Variants in TFB1M observed in about 807,000 individuals in gnomAD.
TFB1M encodes dimethyladenosine transferase 1, mitochondrial.
In TFB1M, 27 loss-of-function variants were observed where a neutral mutation model predicts 31.1. That is an observed-to-expected ratio of 0.87 (90% confidence interval 0.64 to 1.20). The LOEUF (loss-of-function observed/expected upper bound fraction) is 1.20. Ranked by LOEUF, TFB1M falls within the 50% of genes most tolerant of loss-of-function variation. The pLI is 0.00. For synonymous variants in TFB1M, 166 were observed against 151.8 expected (o/e 1.09, Z -0.69); for missense variants, 394 against 418.7 (o/e 0.94, Z 0.51).
chr6:155,250,927 G>T, the TFB1M span: 10 of 1,614,118 alleles, frequency 6.2e-6, no homozygotes, highest in South Asian at 1.1e-5. Context: ...CAGAACTTTC[G>T]ATGGGAGAGC....
At chr6:155,254,431 C>G (rs1783874081), downstream of TFB1M, 1 of 1,611,866 alleles carries the variant, frequency 6.2e-7, no homozygotes, top group Admixed American at 1.7e-5. Flanking sequence ...ACAGTGAAAG[C>G]AAAACCAACA....
chr6:155,266,133 C>T (rs1004004985), intron 5 of TFB1M, among the ~76,000 whole-genome samples: 1 of 152,136 alleles, frequency 6.6e-6, no homozygotes, highest in East Asian at 1.9e-4. Context: ...CACCCAGGAT[C>T]AATACTTTGT....
intron 2 of TFB1M, among the ~76,000 whole-genome samples, chr6:155,300,106 T>C (rs113920191): frequency 1.5e-3 from 228 of 152,346 alleles, no homozygotes; most frequent in African/African-American, 5.1e-3. Context: ...TCTTTTAGCC[T>C]GGGAGATGTT....
chr6:155,262,359 T>C (rs1201863540), intron 5 of TFB1M, among the ~76,000 whole-genome samples: 2 of 152,164 alleles, frequency 1.3e-5, no homozygotes, highest in African/African-American at 4.8e-5. Context: ...CTGATTTGTA[T>C]AGAGAAGTGG....
chr6:155,310,095 C>T (rs1339738356), intron 2 of TFB1M, among the ~76,000 whole-genome samples: 1 of 152,146 alleles, frequency 6.6e-6, no homozygotes, highest in Non-Finnish European at 1.5e-5. Context: ...AACAACTTCT[C>T]AAACCGTTCT....
the TFB1M span, chr6:155,250,505 T>G: frequency 6.6e-7 from 1 of 1,522,726 alleles, no homozygotes; most frequent in Non-Finnish European, 8.8e-7. Flanking sequence ...TCCTTCACTC[T>G]GGCCAGTTTC....
At chr6:155,248,204 G>A in the TFB1M span, 1 of 1,606,952 alleles carries the variant, frequency 6.2e-7, no homozygotes, top group African/African-American at 1.3e-5. Flanking sequence ...GCACCTCCGG[G>A]CGAGGGCCTG....
At chr6:155,285,034 T>TA in intron 5 of TFB1M, 124 bp downstream of exon 5, 1 of 1,270,722 alleles carries the variant, frequency 7.9e-7, no homozygotes, top group Non-Finnish European at 1.1e-6. Flanking sequence ...TATTCAGAAG[T>TA]AAAGTACAGT....
At chr6:155,233,937 T>C in the TFB1M span, among the ~76,000 whole-genome samples, 1 of 149,126 alleles carries the variant, frequency 6.7e-6, no homozygotes, top group Non-Finnish European at 1.5e-5. Context: ...CACTCCAGCC[T>C]GGGTGGCAGA....
chr6:155,300,025 C>T (rs1777355752), intron 2 of TFB1M, among the ~76,000 whole-genome samples: 1 of 152,176 alleles, frequency 6.6e-6, no homozygotes, highest in African/African-American at 2.4e-5. Flanking sequence ...GTGTTTAATA[C>T]ATATTTAAGA....
At chr6:155,250,990 A>G in the TFB1M span, 1 of 1,614,118 alleles carries the variant, frequency 6.2e-7, no homozygotes, top group African/African-American at 1.3e-5. Flanking sequence ...CTCTAGGAAA[A>G]GCTAGAAAGG....
chr6:155,296,426 A>ATTTTTTT (rs71023639), intron 4 of TFB1M, among the ~76,000 whole-genome samples: 79 of 103,434 alleles, frequency 7.6e-4, no homozygotes, highest in African/African-American at 1.3e-3. Context: ...CACCCAGCTA[A>ATTTTTTT]TTTTTTTTTT....
In TFB1M at chr6:155,304,831, T is replaced by C. The variant is rs181714321; in HGVS notation, c.286-6246A>G. 1.6e-3 allele frequency among the ~76,000 whole-genome samples: 250 copies of C among 151,962 alleles called. 1 individual carries two copies. The highest frequency in any genetic ancestry group is 5.8e-3 in the African/African-American group (241 of 41,500). ...GAAGGCTTTTTCAGTCTTCAGTCTA[T>C]AGTAATAAATACAGGTGGCTGTTGG... On this transcript the variant is annotated intron_variant, in intron 2 of 6. Coordinates refer to ENST00000367166, the MANE Select transcript of TFB1M (RefSeq NM_016020.4).
At chr6:155,270,602 T>A (rs1784873958) in intron 5 of TFB1M, among the ~76,000 whole-genome samples, 1 of 152,144 alleles carries the variant, frequency 6.6e-6, no homozygotes, top group African/African-American at 2.4e-5. Context: ...CAACATGTTT[T>A]GAGAATAGAA....
intron 2 of TFB1M, among the ~76,000 whole-genome samples, chr6:155,300,397 C>A (rs1001422302): frequency 6.6e-6 from 1 of 152,102 alleles, no homozygotes; most frequent in Non-Finnish European, 1.5e-5. Context: ...GGCAATAAAT[C>A]TTGGAAAATA....
the TFB1M span, among the ~76,000 whole-genome samples, chr6:155,240,212 C>T: frequency 6.6e-6 from 1 of 152,242 alleles, no homozygotes; most frequent in African/African-American, 2.4e-5. Flanking sequence ...GATTTCAGAG[C>T]TACCTCACCT....
chr6:155,289,517 T>C (rs1243929708), intron 4 of TFB1M, among the ~76,000 whole-genome samples: 4 of 152,218 alleles, frequency 2.6e-5, no homozygotes, highest in South Asian at 2.1e-4. Context: ...CTTCATATTG[T>C]CTATATGTCC....
At chr6:155,286,223 A>G (rs1776619532) in intron 4 of TFB1M, among the ~76,000 whole-genome samples, 1 of 152,160 alleles carries the variant, frequency 6.6e-6, no homozygotes, top group Non-Finnish European at 1.5e-5. Context: ...ATCTCATGCC[A>G]TAACCAAAAA....
chr6:155,286,830 AAC>A (rs1274810149), intron 4 of TFB1M, among the ~76,000 whole-genome samples: 6 of 151,764 alleles, frequency 4.0e-5, no homozygotes, highest in Non-Finnish European at 8.8e-5. Context: ...TAACAACAAA[AAC>A]TACTGTACTT....
Sources: allele counts gnomAD v4.1 joint callset (sites outside exome capture counted in the v4.1 genomes callset), GRCh38; gene constraint gnomAD v4.1.1; transcripts MANE v1.5; gene names NCBI Gene and HGNC (gene_info 2026-07-23, HGNC 2026-07-21).